Variants in CSMD1 observed in about 807,000 individuals in gnomAD.
The protein encoded by CSMD1 is CUB and sushi domain-containing protein 1.
A neutral mutation model predicts 417.5 loss-of-function variants in CSMD1; 213 were observed. The observed-to-expected ratio is 0.51, with a 90% CI of 0.46 to 0.57. The LOEUF is 0.57. Among genes scored for constraint, CSMD1 ranks in the 20% least tolerant of loss-of-function variants. The pLI is 0.00. For synonymous variants in CSMD1, 2,862 were observed against 1,736.8 expected, an observed-to-expected ratio of 1.65 and a Z score of -16.11; for missense variants, 6,923 against 4,529.7, an observed-to-expected ratio of 1.53 and a Z score of -15.17.
chr8:3,859,809 G>A (rs183116974), intron 5 of CSMD1, among the ~76,000 whole-genome samples: 12 of 152,224 alleles, frequency 7.9e-5, no homozygotes, highest in East Asian at 1.9e-4. Flanking sequence ...TCCTGATTCC[G>A]CAGGGAACAG....
Position 3,929,556 on chromosome 8 carries a change from C to A in CSMD1, c.818+68347G>T. Reference sequence around the variant, plus strand: ...GCAGGAACTGGGTTGTCTGTCTATTCTGATGGAATGATTTCATGTTATAAG... The same window carrying A: ...GCAGGAACTGGGTTGTCTGTCTATTATGATGGAATGATTTCATGTTATAAG... On this transcript the variant is annotated intron_variant, in intron 5 of 69. Coordinates refer to ENST00000635120, the MANE Select transcript of CSMD1 (RefSeq NM_033225.6). 1.3e-5 allele frequency among the ~76,000 whole-genome samples: 2 copies of A among 150,416 alleles called. 1 individual carries two copies. Among genetic ancestry groups the A allele is most frequent in the Non-Finnish European group, 3.0e-5 (2 of 67,560 alleles).
chr8:3,523,820 CATATGCAT>C (rs1797624122), intron 10 of CSMD1, among the ~76,000 whole-genome samples: 1 of 148,592 alleles, frequency 6.7e-6, no homozygotes, highest in Admixed American at 6.8e-5. Context: ...CACACACGCA[CATATGCAT>C]GCACACCCAG....
intron 5 of CSMD1, among the ~76,000 whole-genome samples, chr8:3,822,790 G>T (rs942475097): frequency 6.6e-6 from 1 of 152,122 alleles, no homozygotes; most frequent in Non-Finnish European, 1.5e-5. Flanking sequence ...ATGGATAGTT[G>T]ATTTGTGGAA....
intron 12 of CSMD1, among the ~76,000 whole-genome samples, chr8:3,445,625 A>T (rs951343745): frequency 1.3e-5 from 2 of 152,196 alleles, no homozygotes; most frequent in Admixed American, 6.5e-5. Flanking sequence ...AAGAGAGGCC[A>T]TTCACTTGGG....
At chr8:3,283,011 A>G (rs572170829) in intron 26 of CSMD1, among the ~76,000 whole-genome samples, 2 of 152,294 alleles carry the variant, frequency 1.3e-5, no homozygotes, top group South Asian at 4.1e-4. Context: ...AACTGCCACA[A>G]AATATCTCCA....
chr8:4,683,065 T>G (rs1381575134), intron 1 of CSMD1, among the ~76,000 whole-genome samples: 1 of 149,698 alleles, frequency 6.7e-6, no homozygotes, highest in Non-Finnish European at 1.5e-5. Context: ...CCAATGTCAT[T>G]GTGGCATAGA....
In CSMD1 at chr8:3,417,058, C is replaced by T. The variant is rs187552821; in HGVS notation, c.1562-7453G>A. 6.4e-4 allele frequency among the ~76,000 whole-genome samples: 97 copies of T among 152,306 alleles called. 1 individual carries two copies. In the South Asian group the frequency reaches 0.016, roughly 25 times the overall value. On this transcript the variant is annotated intron_variant, in intron 12 of 69. Transcript: ENST00000635120. ...TTTACCAAGAGTTTAAATCACACCACGTTCTGCTCCCACGGTTGTGCTTGC... is the reference window on the plus strand; with the variant it reads ...TTTACCAAGAGTTTAAATCACACCATGTTCTGCTCCCACGGTTGTGCTTGC...
intron 22 of CSMD1, among the ~76,000 whole-genome samples, chr8:3,344,527 G>A (rs1454055662): frequency 6.6e-6 from 1 of 152,152 alleles, no homozygotes; most frequent in Non-Finnish European, 1.5e-5. Context: ...AGCACTAGGT[G>A]GGCACGGCTA....
chr8:4,122,881 C>G (rs1802564447), intron 3 of CSMD1, among the ~76,000 whole-genome samples: 1 of 152,166 alleles, frequency 6.6e-6, no homozygotes, highest in Non-Finnish European at 1.5e-5. Flanking sequence ...AAGGCAACTC[C>G]TGAAGAAACT....
chr8:3,597,834 C>T (rs140578641), intron 8 of CSMD1, among the ~76,000 whole-genome samples: 3,191 of 150,234 alleles, frequency 0.021, 119 homozygotes, highest in African/African-American at 0.074. Context: ...CGGGGCCTGT[C>T]GGGGGGTTGG....
At chr8:3,056,728 A>G (rs1016660752) in intron 49 of CSMD1, among the ~76,000 whole-genome samples, 4 of 143,844 alleles carry the variant, frequency 2.8e-5, no homozygotes, top group African/African-American at 8.5e-5. Context: ...TTTATTAAAG[A>G]TACGTATTTA....
intron 7 of CSMD1, among the ~76,000 whole-genome samples, chr8:3,658,972 C>T (rs1798269324): frequency 6.6e-6 from 1 of 152,098 alleles, no homozygotes; most frequent in Non-Finnish European, 1.5e-5. Flanking sequence ...CTAGGAATGA[C>T]CTAATATTTG....
At chr8:3,208,655 C>T (rs1196909513) in intron 30 of CSMD1, among the ~76,000 whole-genome samples, 5 of 152,100 alleles carry the variant, frequency 3.3e-5, no homozygotes, top group African/African-American at 9.7e-5. Flanking sequence ...GAGGGTGTTG[C>T]CCAAGGAGAT....
chr8:4,291,563 A>G (rs1797367220), intron 3 of CSMD1, among the ~76,000 whole-genome samples: 2 of 152,128 alleles, frequency 1.3e-5, no homozygotes, highest in African/African-American at 2.4e-5. Context: ...TAGTGTAGAA[A>G]TTTTATTAAA....
intron 4 of CSMD1, among the ~76,000 whole-genome samples, chr8:4,015,339 G>C (rs907889930): frequency 1.3e-5 from 2 of 152,048 alleles, no homozygotes; most frequent in African/African-American, 4.8e-5. Context: ...TCTCCCCTCT[G>C]GCTATGTCGT....
chr8:4,966,800 C>G (rs901515524), intron 1 of CSMD1, among the ~76,000 whole-genome samples: 1 of 152,122 alleles, frequency 6.6e-6, no homozygotes, highest in Admixed American at 6.6e-5. Context: ...CTGTAAAAAT[C>G]CAAAGAATTT....
chr8:3,223,646 G>T, intron 28 of CSMD1, 83 bp downstream of exon 28: 1 of 1,394,554 alleles, frequency 7.2e-7, no homozygotes, highest in Non-Finnish European at 1.0e-6. Flanking sequence ...TAACATTAGA[G>T]ACTATGAGGT....
intron 5 of CSMD1, among the ~76,000 whole-genome samples, chr8:3,976,136 A>G (rs1813419453): frequency 6.6e-6 from 1 of 152,112 alleles, no homozygotes; most frequent in Non-Finnish European, 1.5e-5. Context: ...TATAGTAGAA[A>G]TTCTACACCA....
At chr8:4,139,330 C>T (rs116996758) in intron 3 of CSMD1, among the ~76,000 whole-genome samples, 44,437 of 150,846 alleles carry the variant, frequency 0.29, 8,089 homozygotes, top group Non-Finnish European at 0.38. Context: ...AAATTTATTA[C>T]AAACGTAATG....
Sources: gnomAD v4.1 joint callset for allele counts (sites outside exome capture counted in the v4.1 genomes callset) on GRCh38, gnomAD v4.1.1 for gene constraint, MANE v1.5 for transcripts, NCBI Gene and HGNC (gene_info 2026-07-23, HGNC 2026-07-21) for gene names.